Variants in NTRK3 observed in about 807,000 individuals in gnomAD.
The protein encoded by NTRK3 is neurotrophic receptor tyrosine kinase 3, also known as NT-3 growth factor receptor.
In NTRK3, 24 loss-of-function variants were observed where a neutral mutation model predicts 91.7. The ratio of observed to expected loss-of-function variants is 0.26; its 90% CI spans 0.19 to 0.37. The LOEUF (loss-of-function observed/expected upper bound fraction) is 0.37. Ranked by LOEUF, NTRK3 falls within the 10% of genes least tolerant of loss-of-function variation. The pLI, the probability that NTRK3 is intolerant of heterozygous loss-of-function variation, is 1.00. For synonymous variants in NTRK3, 483 were observed against 404.0 expected, an observed-to-expected ratio of 1.20 and a Z score of -2.34; for missense variants, 880 against 1,068.9, an observed-to-expected ratio of 0.82 and a Z score of 2.46.
chr15:87,938,682 G>C (rs76322381), intron 15 of NTRK3, among the ~76,000 whole-genome samples: 1 of 152,192 alleles, frequency 6.6e-6, no homozygotes, highest in Non-Finnish European at 1.5e-5. Context: ...TGCTGAAAGT[G>C]CAAAAATGTT....
intron 5 of NTRK3, among the ~76,000 whole-genome samples, chr15:88,177,218 T>C (rs1206276461): frequency 1.3e-5 from 2 of 152,208 alleles, no homozygotes; most frequent in African/African-American, 4.8e-5. Flanking sequence ...TAGCTTTTAT[T>C]GTAAGTAACG....
chr15:87,872,936 C>T (rs2064860718), exon 19 of NTRK3: 1 of 232,990 alleles, frequency 4.3e-6, no homozygotes, highest in Non-Finnish European at 8.5e-6. Flanking sequence ...GCCAAGGCCA[C>T]GTGGATAACT....
intron 13 of NTRK3, among the ~76,000 whole-genome samples, chr15:88,114,813 C>A (rs16941272): frequency 1.3e-5 from 2 of 152,162 alleles, no homozygotes; most frequent in Admixed American, 1.3e-4. Context: ...GGTTTTCTTA[C>A]CATTTGCATA....
At chr15:87,890,084 G>A (rs1019464007) in intron 17 of NTRK3, among the ~76,000 whole-genome samples, 9 of 151,720 alleles carry the variant, frequency 5.9e-5, no homozygotes, top group South Asian at 2.1e-4. Flanking sequence ...TCTACCTGCC[G>A]CATTTCCTAT....
At chr15:87,939,549 C>G (rs148104887) in intron 15 of NTRK3, among the ~76,000 whole-genome samples, 9 of 152,276 alleles carry the variant, frequency 5.9e-5, no homozygotes, top group African/African-American at 2.2e-4. Context: ...TGTAGATACA[C>G]AAGACTATGA....
chr15:87,946,968 G>A lies in NTRK3; in HGVS notation c.1586-6215C>T, dbSNP rs145100239. 2.2e-3 allele frequency among the ~76,000 whole-genome samples: 289 copies of A among 133,870 alleles called. 1 individual carries two copies. The highest frequency in any genetic ancestry group is 7.5e-3 in the African/African-American group (271 of 36,248). 87.8% of individuals were successfully genotyped at this position (133,870 alleles called of 152,430 possible). Reference sequence around the variant, plus strand: ...GCAATCTGGGCTCACTGCAACCTCCGCCACACAAGTTCAAGCAATTCTGCC... The same window carrying A: ...GCAATCTGGGCTCACTGCAACCTCCACCACACAAGTTCAAGCAATTCTGCC... On this transcript the variant is annotated intron_variant, in intron 14 of 18. Coordinates refer to ENST00000394480, the Ensembl canonical transcript of NTRK3.
chr15:88,046,648 C>G (rs2080228698), intron 13 of NTRK3, among the ~76,000 whole-genome samples: 1 of 152,134 alleles, frequency 6.6e-6, no homozygotes, highest in Admixed American at 6.5e-5. Flanking sequence ...TTCCACAGAT[C>G]CTCTCCGTTT....
intron 5 of NTRK3, among the ~76,000 whole-genome samples, chr15:88,175,121 C>T (rs1312086995): frequency 6.6e-6 from 1 of 152,208 alleles, no homozygotes; most frequent in East Asian, 1.9e-4. Flanking sequence ...CTGATTACAG[C>T]CTCTGTCATT....
chr15:88,103,654 C>T (rs552574703), intron 13 of NTRK3, among the ~76,000 whole-genome samples: 2 of 152,216 alleles, frequency 1.3e-5, no homozygotes, highest in South Asian at 2.1e-4. Flanking sequence ...CTCAGTAAGA[C>T]TCTGGGAGGG....
rs148893039 is a variant in NTRK3 at position 87,917,572 on chromosome 15, G to C, written c.2133+11619C>G. Among the ~76,000 whole-genome samples the C allele has an allele frequency of 3.7e-3, 558 of 152,318 alleles. 4 individuals carry two copies. Among genetic ancestry groups the C allele is most frequent in the African/African-American group, 0.013 (530 of 41,568 alleles). The stretch of plus-strand genomic sequence containing the variant: ...TCCATCCTGGTTTATTTAGGTATTT[G>C]TCACCTCCAAATCTCATGTGGAAAT... On this transcript the variant is annotated intron_variant, in intron 17 of 18. Transcript: ENST00000394480.
chr15:87,957,642 G>GT (rs201836887), intron 14 of NTRK3, among the ~76,000 whole-genome samples: 1 of 152,002 alleles, frequency 6.6e-6, no homozygotes, highest in Non-Finnish European at 1.5e-5. Context: ...GGAAACAAAT[G>GT]TGCACTGTGA....
chr15:87,927,155 G>T (rs570516466), intron 17 of NTRK3: 1 of 152,322 alleles, frequency 6.6e-6, no homozygotes, highest in South Asian at 2.1e-4. Context: ...TGGGAATACT[G>T]GATAGGACAG....
chr15:88,190,912 T>C (rs1473229525), intron 3 of NTRK3, among the ~76,000 whole-genome samples: 1 of 152,168 alleles, frequency 6.6e-6, no homozygotes, highest in African/African-American at 2.4e-5. Flanking sequence ...AAAGTAAGCG[T>C]AAATAGGATC....
At chr15:88,242,456 T>G (rs2141903760) in intron 3 of NTRK3, among the ~76,000 whole-genome samples, 1 of 152,292 alleles carries the variant, frequency 6.6e-6, no homozygotes, top group Admixed American at 6.5e-5. Flanking sequence ...ATATATAAAT[T>G]TTTCTTTAAA....
At chr15:88,127,422 C>A (rs181899581) in intron 11 of NTRK3, among the ~76,000 whole-genome samples, 196 bp from the exon 12 acceptor site, 52 of 152,226 alleles carry the variant, frequency 3.4e-4, no homozygotes, top group Non-Finnish European at 5.7e-4. Context: ...CCTATCTGAC[C>A]ATCTGGCTGG....
chr15:88,050,978 C>T (rs76028262), intron 13 of NTRK3, among the ~76,000 whole-genome samples: 1 of 152,166 alleles, frequency 6.6e-6, no homozygotes, highest in African/African-American at 2.4e-5. Flanking sequence ...GGGTCTGTTG[C>T]AGAATTTTCA....
At chr15:88,140,240 A>T (rs996218379) in intron 6 of NTRK3, among the ~76,000 whole-genome samples, 1 of 152,188 alleles carries the variant, frequency 6.6e-6, no homozygotes, top group African/African-American at 2.4e-5. Flanking sequence ...AGAGGAGGAA[A>T]ACTAGAGATT....
At chr15:88,114,429 A>T (rs4887361) in intron 13 of NTRK3, among the ~76,000 whole-genome samples, 2 of 152,154 alleles carry the variant, frequency 1.3e-5, no homozygotes, top group African/African-American at 4.8e-5. Flanking sequence ...ACAACAACAA[A>T]AAAAAATGGC....
intron 13 of NTRK3, among the ~76,000 whole-genome samples, chr15:88,073,878 T>C (rs938687197): frequency 2.0e-5 from 3 of 151,904 alleles, no homozygotes; most frequent in Non-Finnish European, 2.9e-5. Flanking sequence ...AGCATGTGTC[T>C]CCAATGGTTT....
Sources: allele counts gnomAD v4.1 joint callset (sites outside exome capture counted in the v4.1 genomes callset), GRCh38; gene constraint gnomAD v4.1.1; transcripts MANE v1.5; gene names NCBI Gene and HGNC (gene_info 2026-07-23, HGNC 2026-07-21).